Variants in FMC1 observed in about 807,000 individuals in gnomAD.
FMC1 encodes formation of mitochondrial complex V assembly factor 1.
FMC1 carries 6 observed loss-of-function variants against 10.5 expected under a neutral mutation model. The observed-to-expected ratio is 0.57, with a 90% CI of 0.31 to 1.12. The LOEUF (loss-of-function observed/expected upper bound fraction) is 1.12, where lower values mean the gene tolerates loss of function less well. Among genes scored for constraint, FMC1 ranks in the 50% most tolerant of loss-of-function variants. The pLI is 0.05. For missense variants in FMC1, 146 were observed against 151.7 expected (o/e 0.96, Z 0.20); for synonymous variants, 59 against 62.1 (o/e 0.95, Z 0.24).
At chr7:139,341,707 A>G (rs1798980939) in intron 1 of FMC1, among the ~76,000 whole-genome samples, 185 bp downstream of exon 1, 1 of 151,862 alleles carries the variant, frequency 6.6e-6, no homozygotes, top group South Asian at 2.1e-4. Flanking sequence ...TCGGGGACCA[A>G]AGGACCAGCG....
chr7:139,345,197 T>C (rs1799213413), intron 1 of FMC1, among the ~76,000 whole-genome samples: 1 of 152,146 alleles, frequency 6.6e-6, no homozygotes, highest in Admixed American at 6.5e-5. Flanking sequence ...CCTCTGAGCA[T>C]CTCTGGACTT....
rs1408301753 is a variant in FMC1, at chr7:139,341,468, C to T, written c.84C>T (p.Pro28=). The change falls in exon 1 of 2, where the codon CCC becomes CCT. Residue 28 remains proline (P), a synonymous_variant. Coordinates refer to ENST00000297534, the MANE Select transcript of FMC1 (RefSeq NM_197964.5). ...LRYLSAATGR[P]YRDTAAYRYL... is the part of the protein sequence containing the mutation. ...ACCTGAGCGCGGCCACCGGCCGACC[C>T]TATCGCGACACCGCGGCCTATCGGT... 3.7e-6 allele frequency: 6 copies of T among 1,613,668 alleles called. No homozygotes were observed. Among genetic ancestry groups the T allele is most frequent in the Non-Finnish European group, 5.1e-6 (6 of 1,180,030 alleles).
At chr7:139,345,088 CTTTA>C (rs971114383) in intron 1 of FMC1, 2 of 160,496 alleles carry the variant, frequency 1.2e-5, no homozygotes, top group African/African-American at 4.8e-5. Flanking sequence ...TAAAGCAGTC[CTTTA>C]TTTGCTTGAA....
At chr7:139,343,946 AG>A in intron 1 of FMC1, among the ~76,000 whole-genome samples, 1 of 150,566 alleles carries the variant, frequency 6.6e-6, no homozygotes, top group African/African-American at 2.4e-5. Flanking sequence ...AAAAAAAAAA[AG>A]AGTTGGTGGG....
Position 139,345,483 on chromosome 7 carries a change from G to T in FMC1, c.139-18G>T. The T allele has an allele frequency of 1.2e-6, 2 of 1,613,890 alleles. No individual in the cohort carries two copies. Among genetic ancestry groups the T allele is most frequent in the South Asian group, 2.2e-5 (2 of 91,002 alleles). ...ATCTCTAGCTGGGTTAAGAATTTCTGACTTGCTGCTTCTCTAGGTCACCAG... is the reference window on the plus strand; with the variant it reads ...ATCTCTAGCTGGGTTAAGAATTTCTTACTTGCTGCTTCTCTAGGTCACCAG... On this transcript the variant is annotated intron_variant, in intron 1 of 1. Coordinates refer to ENST00000297534, the MANE Select transcript of FMC1 (RefSeq NM_197964.5).
At chr7:139,341,315 C>T (rs1798943079), upstream of FMC1, 2 of 1,546,614 alleles carry the variant, frequency 1.3e-6, no homozygotes, top group Non-Finnish European at 1.8e-6. Context: ...CATTAGGCGC[C>T]TGGGCCGGAG....
At chr7:139,341,597 C>T in intron 1 of FMC1, 75 bp downstream of exon 1, 8 of 1,558,294 alleles carry the variant, frequency 5.1e-6, no homozygotes, top group Admixed American at 3.5e-5. Flanking sequence ...GGGTGGGGAG[C>T]ACGGTGTTTA....
At chr7:139,343,742 C>T (rs1799116580) in intron 1 of FMC1, among the ~76,000 whole-genome samples, 1 of 151,946 alleles carries the variant, frequency 6.6e-6, no homozygotes, top group African/African-American at 2.4e-5. Context: ...CACGACCAGC[C>T]TGGGCAACAT....
At chr7:139,340,564 A>C, upstream of FMC1, 1 of 397,960 alleles carries the variant, frequency 2.5e-6, no homozygotes, top group Non-Finnish European at 4.4e-6. Context: ...TCTAACTACA[A>C]CTCCCAGCAT....
At chr7:139,342,487 G>T (rs1219344073) in intron 1 of FMC1, among the ~76,000 whole-genome samples, 1 of 152,136 alleles carries the variant, frequency 6.6e-6, no homozygotes. Flanking sequence ...TGAAGTGGTA[G>T]GCCGAACAGG....
intron 1 of FMC1, 118 bp downstream of exon 1, chr7:139,341,640 G>C: frequency 6.8e-7 from 1 of 1,478,276 alleles, no homozygotes; most frequent in Admixed American, 2.1e-5. Context: ...CCCTCCCACG[G>C]AGCCCTGGTT....
chr7:139,343,645 G>A (rs933735417), intron 1 of FMC1, among the ~76,000 whole-genome samples: 5 of 152,120 alleles, frequency 3.3e-5, no homozygotes, highest in Non-Finnish European at 7.4e-5. Context: ...AATAGAGAAA[G>A]GGGATTAGGC....
At chr7:139,344,442 G>A (rs983914444) in intron 1 of FMC1, among the ~76,000 whole-genome samples, 4 of 152,012 alleles carry the variant, frequency 2.6e-5, no homozygotes, top group South Asian at 2.1e-4. Flanking sequence ...TATGTAAATC[G>A]TTGTTATACT....
intron 1 of FMC1, among the ~76,000 whole-genome samples, chr7:139,343,189 A>G (rs1370159846): frequency 1.3e-5 from 2 of 152,166 alleles, no homozygotes; most frequent in Non-Finnish European, 2.9e-5. Flanking sequence ...AAATTCCACA[A>G]ATTTGGGCTT....
At chr7:139,341,239 C>A, upstream of FMC1, 1 of 1,386,212 alleles carries the variant, frequency 7.2e-7, no homozygotes, top group Non-Finnish European at 9.6e-7. Flanking sequence ...GTTCGGTCAA[C>A]GGACAAGTGA....
At position 139,341,421 on chromosome 7, in the gene FMC1, G is replaced by A. The variant is rs771832282; in HGVS notation, c.37G>A (p.Gly13Arg). The A allele has an allele frequency of 6.2e-7, 1 of 1,613,458 alleles. No homozygotes were observed. The highest frequency in any genetic ancestry group is 8.5e-7 in the Non-Finnish European group (1 of 1,179,964). ...AGGGTCCCCGTCGCACACTTTTCGA[G>A]GACTTCTGCGGGAGTTGCGCTACCT... Reference protein sequence around the residue: ...ALGSPSHTFRGLLRELRYLSA... With the variant: ...ALGSPSHTFRRLLRELRYLSA... The change falls in exon 1 of 2, where the codon GGA (glycine) becomes AGA (arginine). Residue 13 changes from glycine (G) to arginine (R), a missense_variant. Transcript: ENST00000297534.
Position 139,346,179 on chromosome 7 carries a change from A to G in FMC1, c.*475A>G, listed in dbSNP as rs6948879. On this transcript the variant is annotated 3_prime_UTR_variant, in exon 2 of 2. Transcript: ENST00000297534. The stretch of plus-strand genomic sequence containing the variant: ...TTGAACCCGGGAGGTGGAGGTTGCG[A>G]TGAGCTGAGATCGCGCCATGGCACT... 58,426 of 151,860 alleles carry G rather than the reference A, an allele frequency of 0.38. 15,688 individuals carry two copies. Among genetic ancestry groups the G allele is most frequent in the African/African-American group, 0.77 (31,539 of 41,064 alleles). 9.4% of individuals were successfully genotyped at this position (151,860 alleles called of 1,614,324 possible).
At chr7:139,341,771 A>C (rs1208964053) in intron 1 of FMC1, among the ~76,000 whole-genome samples, 1 of 152,078 alleles carries the variant, frequency 6.6e-6, no homozygotes, top group African/African-American at 2.4e-5. Flanking sequence ...AGAGGGGCGG[A>C]CCCGTCCCGA....
intron 1 of FMC1, 71 bp from the exon 2 acceptor site, chr7:139,345,430 T>C: frequency 6.3e-7 from 1 of 1,583,150 alleles, no homozygotes; most frequent in Non-Finnish European, 8.6e-7. Flanking sequence ...TGAATGCTTA[T>C]TTATTAAATC....
Sources: allele counts gnomAD v4.1 joint callset (sites outside exome capture counted in the v4.1 genomes callset), GRCh38; gene constraint gnomAD v4.1.1; transcripts MANE v1.5; gene names NCBI Gene and HGNC (gene_info 2026-07-23, HGNC 2026-07-21).